Variants in SAE1 observed in about 807,000 individuals in gnomAD.
SAE1 encodes SUMO-activating enzyme subunit 1.
SAE1 carries 11 observed loss-of-function variants against 40.6 expected under a neutral mutation model. The ratio of observed to expected loss-of-function variants is 0.27; its 90% CI spans 0.17 to 0.45. The LOEUF (loss-of-function observed/expected upper bound fraction) is 0.45. SAE1 is among the 20% of genes least tolerant of loss of function. The pLI, the probability that SAE1 is intolerant of heterozygous loss-of-function variation, is 1.00. For missense variants in SAE1, 373 were observed against 427.3 expected (o/e 0.87, Z 1.12); for synonymous variants, 155 against 154.3 (o/e 1.00, Z -0.03).
chr19:47,142,255 G>T (rs2058226754), intron 1 of SAE1, among the ~76,000 whole-genome samples: 1 of 151,784 alleles, frequency 6.6e-6, no homozygotes, highest in Non-Finnish European at 1.5e-5. Context: ...GTGACAGTAG[G>T]CGCCTGTAAT....
chr19:47,143,432 T>G lies in SAE1; in HGVS notation c.99-62T>G, dbSNP rs1242284630. 5 of 1,352,046 alleles carry G rather than the reference T, an allele frequency of 3.7e-6. No individual in the cohort carries two copies. The Admixed American group carries it at 8.5e-5, about 23-fold the overall frequency. The allele number at this position is 1,352,046 out of a possible 1,614,324, so 83.8% of individuals were successfully genotyped here. ...CCAAAATGATTTGTGTATTTTTTGT[T>G]CTTCTGTGATTCTGCAAGCTCACTG... On this transcript the variant is annotated intron_variant, in intron 1 of 8. Coordinates refer to ENST00000270225, the MANE Select transcript of SAE1 (RefSeq NM_005500.3).
At chr19:47,200,764 C>A (rs539952725) in intron 7 of SAE1, among the ~76,000 whole-genome samples, 2 of 152,174 alleles carry the variant, frequency 1.3e-5, no homozygotes, top group African/African-American at 2.4e-5. Context: ...TATATATTAT[C>A]TGTGGCAGCT....
chr19:47,131,592 G>A (rs982811537), intron 1 of SAE1, among the ~76,000 whole-genome samples: 19 of 152,110 alleles, frequency 1.2e-4, no homozygotes, highest in African/African-American at 4.6e-4. Flanking sequence ...AGGCTGGAGG[G>A]GGACGGCCGT....
chr19:47,208,639 G>A (rs2058697711), intron 8 of SAE1, among the ~76,000 whole-genome samples: 1 of 152,150 alleles, frequency 6.6e-6, no homozygotes, highest in Non-Finnish European at 1.5e-5. Flanking sequence ...TGGCCAGGCT[G>A]GTCTCCAACT....
chr19:47,185,624 CAG>C (rs773056047), intron 6 of SAE1, among the ~76,000 whole-genome samples: 3 of 151,188 alleles, frequency 2.0e-5, no homozygotes, highest in African/African-American at 7.3e-5. Context: ...TTTTTTGAGA[CAG>C]AGTCTCACTG....
chr19:47,134,535 A>G (rs1053209875), intron 1 of SAE1, among the ~76,000 whole-genome samples: 2 of 151,764 alleles, frequency 1.3e-5, no homozygotes, highest in Non-Finnish European at 2.9e-5. Context: ...AGGGACTGCT[A>G]TTTTCTGGAT....
chr19:47,163,934 T>A (rs867395236), intron 5 of SAE1, among the ~76,000 whole-genome samples: 4 of 151,452 alleles, frequency 2.6e-5, no homozygotes, highest in Admixed American at 6.6e-5. Context: ...CACACCCGGC[T>A]AAGTTTTGTA....
chr19:47,199,767 C>G (rs2058640823), intron 7 of SAE1, among the ~76,000 whole-genome samples: 1 of 152,148 alleles, frequency 6.6e-6, no homozygotes, highest in African/African-American at 2.4e-5. Flanking sequence ...CGAAGCACAG[C>G]AGAGGAAACA....
At chr19:47,136,138 T>C (rs556599461) in intron 1 of SAE1, among the ~76,000 whole-genome samples, 3 of 152,234 alleles carry the variant, frequency 2.0e-5, no homozygotes, top group Admixed American at 6.5e-5. Flanking sequence ...ATGGGATTTA[T>C]TGCAGTTTTT....
chr19:47,170,841 A>T (rs2058426675), intron 6 of SAE1, among the ~76,000 whole-genome samples: 1 of 152,050 alleles, frequency 6.6e-6, no homozygotes, highest in Non-Finnish European at 1.5e-5. Flanking sequence ...CCTCAAAACC[A>T]TCCTCACGCT....
rs556744124 is a variant in SAE1 at position 47,149,684 on chromosome 19, G to T, written c.211-518G>T. On this transcript the variant is annotated intron_variant, in intron 2 of 8. Coordinates refer to ENST00000270225, the MANE Select transcript of SAE1 (RefSeq NM_005500.3). The stretch of plus-strand genomic sequence containing the variant: ...GTGAATTTTCTTTATAAACACAAGG[G>T]GGTGCTCTTTAACCATCAATGACCA... Among the ~76,000 whole-genome samples the T allele has an allele frequency of 5.9e-5, 9 of 152,136 alleles. No homozygotes were observed. In the South Asian group the frequency reaches 6.2e-4, roughly 11 times the overall value.
rs1161770872 is a variant in SAE1 at position 47,131,042 on chromosome 19, C to G, written c.98+14C>G. 51 of 1,521,564 alleles carry G rather than the reference C, an allele frequency of 3.4e-5. No homozygotes were observed. The Admixed American group carries it at 1.1e-3, about 34-fold the overall frequency. The allele number at this position is 1,521,564 out of a possible 1,614,324, so 94.3% of individuals were successfully genotyped here. On this transcript the variant is annotated intron_variant, in intron 1 of 8. Transcript: ENST00000270225. ...GGCCCAGAAACGGTCAGGGCCGGCGCGGCTTGAGGCCGCTAGGGTCTGGAG... is the reference window on the plus strand; with the variant it reads ...GGCCCAGAAACGGTCAGGGCCGGCGGGGCTTGAGGCCGCTAGGGTCTGGAG...
rs2058313675 is a variant in SAE1, at chr19:47,155,148, G to A, written c.562G>A (p.Val188Ile). Reference protein sequence around the residue: ...KTKVAKVSQGVEDGPDTKRAK... With the variant: ...KTKVAKVSQGIEDGPDTKRAK... ...TAAAGTTGCCAAAGTTAGCCAAGGA[G>A]TAGAAGATGGGCCCGACACCAAGAG... is the stretch of plus-strand genomic sequence containing the variant. Residue 188 changes from valine to isoleucine, a missense_variant, in exon 5 of 9, where the codon GTA becomes ATA. By Grantham distance (29) the Val-to-Ile change is conservative. This residue lies in a region of SAE1 where 351 missense variants were observed against 390.6 expected (regional missense o/e 0.90). Coordinates refer to ENST00000270225, the MANE Select transcript of SAE1 (RefSeq NM_005500.3). The A allele has an allele frequency of 6.2e-7, 1 of 1,613,950 alleles. No individual in the cohort carries two copies.
intron 5 of SAE1, among the ~76,000 whole-genome samples, chr19:47,157,383 C>T (rs528464610): frequency 5.8e-4 from 88 of 152,278 alleles, no homozygotes; most frequent in African/African-American, 2.0e-3. Context: ...ACAAAAGCTG[C>T]TTTGTGGGTG....
chr19:47,160,752 A>G (rs1207463405), intron 5 of SAE1, among the ~76,000 whole-genome samples: 1 of 151,868 alleles, frequency 6.6e-6, no homozygotes, highest in Non-Finnish European at 1.5e-5. Flanking sequence ...GATGGTCTCA[A>G]TCTCCTGACC....
At chr19:47,187,644 C>G (rs2058551985) in intron 6 of SAE1, among the ~76,000 whole-genome samples, 1 of 152,138 alleles carries the variant, frequency 6.6e-6, no homozygotes, top group Non-Finnish European at 1.5e-5. Flanking sequence ...ACCTCAGCCT[C>G]CCAAGTAGCT....
chr19:47,202,404 C>T (rs867987363), intron 7 of SAE1, among the ~76,000 whole-genome samples: 1 of 151,938 alleles, frequency 6.6e-6, no homozygotes, highest in Non-Finnish European at 1.5e-5. Flanking sequence ...TCTCCTGCCT[C>T]AACCTCCTGA....
intron 7 of SAE1, among the ~76,000 whole-genome samples, chr19:47,201,247 C>T (rs529359214): frequency 1.3e-5 from 2 of 150,300 alleles, no homozygotes; most frequent in East Asian, 3.9e-4. Flanking sequence ...TGGGGTTTCA[C>T]CATATTGGCC....
At chr19:47,198,409 C>G (rs2058630508) in intron 7 of SAE1, among the ~76,000 whole-genome samples, 1 of 151,992 alleles carries the variant, frequency 6.6e-6, no homozygotes, top group African/African-American at 2.4e-5. Flanking sequence ...ACCACGCGCT[C>G]CATCCACATC....
Sources: allele counts gnomAD v4.1 joint callset (sites outside exome capture counted in the v4.1 genomes callset), GRCh38; gene constraint gnomAD v4.1.1; regional missense constraint gnomAD v4.1.1; transcripts MANE v1.5; gene names NCBI Gene and HGNC (gene_info 2026-07-23, HGNC 2026-07-21).